Variants in NUP98 observed in about 807,000 individuals in gnomAD.
The protein encoded by NUP98 is nucleoporin 98 and 96 precursor.
Under a neutral mutation model 191.9 loss-of-function variants are expected in NUP98, and 26 were observed. The ratio of observed to expected loss-of-function variants is 0.14; its 90% confidence interval spans 0.10 to 0.19. The LOEUF is 0.19. Ranked by LOEUF, NUP98 falls within the 10% of genes least tolerant of loss-of-function variation. The probability of loss-of-function intolerance (pLI) is 1.00; values close to 1 mark genes in which losing one functional copy is unlikely to be tolerated. For missense variants in NUP98, 1,941 were observed against 2,178.8 expected, an observed-to-expected ratio of 0.89 and a Z score of 2.17; for synonymous variants, 808 against 778.4, an observed-to-expected ratio of 1.04 and a Z score of -0.63.
rs561514258 is a variant in NUP98 at position 3,761,203 on chromosome 11, T to C, written c.1087-577A>G. On this transcript the variant is annotated intron_variant, in intron 9 of 32. Coordinates refer to ENST00000324932, the MANE Select transcript of NUP98 (RefSeq NM_016320.5). ...ACTATGGCATTTCTTTTTGGCATAA[T>C]GAGTATGTTCTAAAATTAAATATGG... Among the ~76,000 whole-genome samples, 33 of 152,326 alleles carry C rather than the reference T, an allele frequency of 2.2e-4. No individual in the cohort carries two copies. In the South Asian group the frequency reaches 6.8e-3, roughly 32 times the overall value.
At position 3,723,347 on chromosome 11, in the gene NUP98, T is replaced by G; in HGVS notation, c.1956A>C (p.Gln652His). ...YTNPIAKPIP[Q>H]TPESAGNKHS... Reference sequence around the variant, plus strand: ...GTTTATTTCCAGCACTTTCTGGGGTTTGAGGAATAGGTTTGGCAATAGGGT... The same window carrying G: ...GTTTATTTCCAGCACTTTCTGGGGTGTGAGGAATAGGTTTGGCAATAGGGT... The change falls in exon 16 of 33, where the codon CAA becomes CAC. Residue 652 changes from glutamine to histidine, a missense_variant. Gln to His is a conservative substitution (Grantham distance 24). Around this residue, in one of 6 missense-constraint regions of NUP98, gnomAD observed 453 missense variants for 438.2 expected, o/e 1.03. Transcript: ENST00000324932. The G allele has an allele frequency of 6.2e-6, 10 of 1,614,120 alleles. No homozygotes were observed. The highest frequency in any genetic ancestry group is 8.5e-6 in the Non-Finnish European group (10 of 1,180,016).
At chr11:3,777,632 A>AG (rs1434247369) in intron 4 of NUP98, among the ~76,000 whole-genome samples, 1 of 151,330 alleles carries the variant, frequency 6.6e-6, no homozygotes. Context: ...AAAAAAAAAA[A>AG]AAAAAAAAAG....
At chr11:3,707,173 G>C (rs111673616) in intron 20 of NUP98, among the ~76,000 whole-genome samples, 1 of 152,132 alleles carries the variant, frequency 6.6e-6, no homozygotes, top group African/African-American at 2.4e-5. Flanking sequence ...GCAGTACCAC[G>C]TAAGATACGA....
intron 22 of NUP98, among the ~76,000 whole-genome samples, chr11:3,704,875 G>A (rs1564824281): frequency 6.6e-6 from 1 of 152,152 alleles, no homozygotes; most frequent in African/African-American, 2.4e-5. Flanking sequence ...TTGAGTAGTG[G>A]GTATATGCCC....
intron 31 of NUP98, 31 bp from the exon 32 acceptor site, chr11:3,676,651 A>C: frequency 6.5e-7 from 1 of 1,526,744 alleles, no homozygotes. Context: ...CAATTAATCC[A>C]AGGGGAGTTC....
At chr11:3,782,520 C>A (rs987530850) in intron 1 of NUP98, among the ~76,000 whole-genome samples, 3 of 150,738 alleles carry the variant, frequency 2.0e-5, no homozygotes, top group African/African-American at 7.3e-5. Flanking sequence ...GAATCATATC[C>A]ATCAAAAATT....
At chr11:3,789,501 CTTTTTTTTT>C (rs914589009) in intron 1 of NUP98, among the ~76,000 whole-genome samples, 9 of 123,066 alleles carry the variant, frequency 7.3e-5, no homozygotes, top group African/African-American at 8.9e-5. Context: ...TTACCTATTT[CTTTTTTTTT>C]TTTTTTTTTT....
Position 3,771,936 on chromosome 11 carries a change from G to A in NUP98, c.604-8C>T. 6.2e-7 allele frequency: 1 copy of A among 1,610,054 alleles called. No homozygotes were observed. The highest frequency in any genetic ancestry group is 8.5e-7 in the Non-Finnish European group (1 of 1,177,274). ...ATCCTCTAAACGAAGTTCCTGAAGG[G>A]AGGGAAAACATATTTCTAATCTTAA... On this transcript the variant is annotated splice_region_variant and splice_polypyrimidine_tract_variant and intron_variant, in intron 6 of 32. Coordinates refer to ENST00000324932, the MANE Select transcript of NUP98 (RefSeq NM_016320.5).
At chr11:3,737,935 G>A (rs562336803) in intron 12 of NUP98, among the ~76,000 whole-genome samples, 1 of 151,214 alleles carries the variant, frequency 6.6e-6, no homozygotes, top group Non-Finnish European at 1.5e-5. Flanking sequence ...CTATTTTGGG[G>A]ACTATGCAAG....
At chr11:3,750,138 T>C (rs1053452343) in intron 11 of NUP98, among the ~76,000 whole-genome samples, 1 of 152,206 alleles carries the variant, frequency 6.6e-6, no homozygotes, top group Admixed American at 6.5e-5. Context: ...GAATACTAAA[T>C]AATTTTTTTT....
intron 12 of NUP98, among the ~76,000 whole-genome samples, chr11:3,736,099 T>TG (rs1554894363): frequency 0.041 from 4,717 of 114,612 alleles, 163 homozygotes; most frequent in South Asian, 0.22. Context: ...TGTGTGTGTG[T>TG]TTTGTTTTTT....
chr11:3,743,789 T>TA (rs1300883079), intron 12 of NUP98, among the ~76,000 whole-genome samples: 1 of 149,086 alleles, frequency 6.7e-6, no homozygotes, highest in African/African-American at 2.5e-5. Flanking sequence ...CGTGGTGGCT[T>TA]ACACCTGTAA....
intron 26 of NUP98, among the ~76,000 whole-genome samples, chr11:3,694,003 G>A (rs1022061642): frequency 6.6e-6 from 1 of 151,832 alleles, no homozygotes; most frequent in Non-Finnish European, 1.5e-5. Context: ...GGCCGAGGTG[G>A]TCGGATTACC....
intron 1 of NUP98, among the ~76,000 whole-genome samples, chr11:3,790,935 GC>G (rs2082314026): frequency 1.4e-5 from 2 of 146,232 alleles, no homozygotes; most frequent in African/African-American, 5.1e-5. Context: ...TGGCTCTGTT[GC>G]CCAGGCTGGA....
intron 18 of NUP98, among the ~76,000 whole-genome samples, chr11:3,719,024 G>A (rs1002237332): frequency 6.6e-6 from 1 of 151,946 alleles, no homozygotes; most frequent in African/African-American, 2.4e-5. Flanking sequence ...GGAGGCTGAG[G>A]CAGGAGAATC....
chr11:3,712,558 C>T lies in NUP98; in HGVS notation c.2742+6G>A, dbSNP rs1285159646. The T allele has an allele frequency of 1.9e-6, 3 of 1,608,120 alleles. No homozygotes were observed. The highest frequency in any genetic ancestry group is 3.5e-5 in the Admixed American group (2 of 57,848). On this transcript the variant is annotated splice_donor_region_variant and intron_variant, in intron 20 of 32. Transcript: ENST00000324932. ...CCATTCAAATTCACTGTCCTTTTTT[C>T]TCTACCTGAGGTGGAGGTGCAGGTT...
At chr11:3,780,692 T>C (rs2081939333) in intron 2 of NUP98, among the ~76,000 whole-genome samples, 1 of 152,026 alleles carries the variant, frequency 6.6e-6, no homozygotes, top group Non-Finnish European at 1.5e-5. Flanking sequence ...TCCCCTCGCT[T>C]TGGCAGGCTT....
Position 3,706,544 on chromosome 11 carries a change from C to T in NUP98, c.2826G>A (p.Leu942=). The T allele has an allele frequency of 6.2e-7, 1 of 1,614,100 alleles. No individual in the cohort carries two copies. The highest frequency in any genetic ancestry group is 8.5e-7 in the Non-Finnish European group (1 of 1,180,014). ...GCATGCTCTCTTCTAACATGGTATCCAAAACTGGCTCCTGGGTGATATCTA... is the reference window on the plus strand; with the variant it reads ...GCATGCTCTCTTCTAACATGGTATCTAAAACTGGCTCCTGGGTGATATCTA... ...DMVDITQEPV[L]DTMLEESMPE... is the part of the protein sequence containing the mutation. The change falls in exon 21 of 33, where the codon TTG becomes TTA. Residue 942 remains leucine, a synonymous_variant. Transcript: ENST00000324932.
At chr11:3,772,048 AAG>A (rs2081548853) in intron 6 of NUP98, 120 bp from the exon 7 acceptor site, 1 of 765,610 alleles carries the variant, frequency 1.3e-6, no homozygotes, top group African/African-American at 1.8e-5. Flanking sequence ...ATAACTAAAA[AAG>A]AGAAAACTAA....
Sources: allele counts gnomAD v4.1 joint callset (sites outside exome capture counted in the v4.1 genomes callset), GRCh38; gene constraint gnomAD v4.1.1; regional missense constraint gnomAD v4.1.1; transcripts MANE v1.5; gene names NCBI Gene and HGNC (gene_info 2026-07-23, HGNC 2026-07-21).